The following GPT2 variants were observed in gnomAD, a reference collection of about 807,000 sequenced individuals.
GPT2 encodes glutamic--pyruvic transaminase 2.
In GPT2, 30 loss-of-function variants were observed where a neutral mutation model predicts 56.9. The observed-to-expected ratio is 0.53, with a 90% CI of 0.39 to 0.72. The LOEUF (loss-of-function observed/expected upper bound fraction) is 0.72. Ranked by LOEUF, GPT2 falls within the 30% of genes least tolerant of loss-of-function variation. GPT2 has a pLI of 0.00. For synonymous variants in GPT2, 271 were observed against 283.1 expected (o/e 0.96, Z 0.43); for missense variants, 542 against 703.4 (o/e 0.77, Z 2.60).
At position 46,918,793 on chromosome 16, in the gene GPT2, C is replaced by A. The variant is rs776616272; in HGVS notation, c.1037+36C>A. 23 of 1,608,854 alleles carry A rather than the reference C, an allele frequency of 1.4e-5. No homozygotes were observed. In the Admixed American group the frequency reaches 3.8e-4, roughly 27 times the overall value. Reference sequence around the variant, plus strand: ...CTCCCTTCCCTCTGCCACTGCTGGGCCTGCCAGATCCTCACGCTGCCGGCT... The same window carrying A: ...CTCCCTTCCCTCTGCCACTGCTGGGACTGCCAGATCCTCACGCTGCCGGCT... On this transcript the variant is annotated intron_variant, in intron 8 of 11. Transcript: ENST00000340124.
intron 2 of GPT2, among the ~76,000 whole-genome samples, chr16:46,889,443 G>A (rs1334435156): frequency 6.6e-6 from 1 of 151,548 alleles, no homozygotes; most frequent in Non-Finnish European, 1.5e-5. Flanking sequence ...TTGTAGAGAT[G>A]GGATCTCGCT....
At position 46,922,374 on chromosome 16, in the gene GPT2, C is replaced by T. The variant is rs1369904639; in HGVS notation, c.1170C>T (p.Asn390=). ...AGGCCGCCATGGACATTGTCGTGAA[C>T]CCCCCGGTGGCAGGAGAGGAGTCCT... ...SGQAAMDIVV[N]PPVAGEESFE... Residue 390 remains asparagine, a synonymous_variant, in exon 9 of 12, where the codon AAC becomes AAT. Transcript: ENST00000340124. 1.2e-6 allele frequency: 2 copies of T among 1,612,692 alleles called. No homozygotes were observed. The highest frequency in any genetic ancestry group is 1.7e-6 in the Non-Finnish European group (2 of 1,179,602).
At chr16:46,899,194 A>G (rs552544699) in intron 3 of GPT2, among the ~76,000 whole-genome samples, 1 of 151,408 alleles carries the variant, frequency 6.6e-6, no homozygotes, top group East Asian at 2.0e-4. Context: ...CACCACACCC[A>G]GCTAATTTTT....
chr16:46,926,108 G>A (rs2143571116), intron 10 of GPT2, among the ~76,000 whole-genome samples: 1 of 147,198 alleles, frequency 6.8e-6, no homozygotes, highest in East Asian at 2.0e-4. Flanking sequence ...TCCATCCTGG[G>A]CGACAGAGTG....
At chr16:46,923,969 G>A in intron 9 of GPT2, 2 of 323,554 alleles carry the variant, frequency 6.2e-6, no homozygotes, top group Non-Finnish European at 6.1e-6. Flanking sequence ...CATGACACAG[G>A]CTGCTGGGCT....
chr16:46,925,012 T>A (rs1447454090), intron 10 of GPT2, among the ~76,000 whole-genome samples: 1 of 152,028 alleles, frequency 6.6e-6, no homozygotes, highest in Non-Finnish European at 1.5e-5. Flanking sequence ...TCCTCCTGCC[T>A]CTGCCTCCCT....
chr16:46,889,507 AG>A (rs1392470210), intron 2 of GPT2, among the ~76,000 whole-genome samples: 1 of 151,970 alleles, frequency 6.6e-6, no homozygotes, highest in African/African-American at 2.4e-5. Context: ...CTCCCACCTC[AG>A]CCTCCCAAAG....
chr16:46,911,349 T>C (rs753928949), intron 6 of GPT2, among the ~76,000 whole-genome samples: 4 of 152,086 alleles, frequency 2.6e-5, no homozygotes, highest in East Asian at 1.9e-4. Context: ...CCAAAATGCA[T>C]TGGAGTTGGT....
intron 5 of GPT2, among the ~76,000 whole-genome samples, chr16:46,907,936 A>G (rs1960967327): frequency 6.6e-6 from 1 of 151,410 alleles, no homozygotes; most frequent in Non-Finnish European, 1.5e-5. Flanking sequence ...AGTGGAGTCT[A>G]CAGTCCTGGG....
intron 10 of GPT2, 22 bp from the exon 11 acceptor site, chr16:46,926,903 T>C: frequency 6.8e-7 from 1 of 1,467,724 alleles, no homozygotes; most frequent in Non-Finnish European, 9.2e-7. Flanking sequence ...GGAATGATCA[T>C]GAGCTCTGTC....
At chr16:46,918,110 G>A (rs921280705) in intron 7 of GPT2, among the ~76,000 whole-genome samples, 14 of 152,318 alleles carry the variant, frequency 9.2e-5, no homozygotes, top group African/African-American at 2.6e-4. Context: ...AGAACCAAAC[G>A]GGTATAAATG....
rs769979890 is a variant in GPT2, at chr16:46,922,411, A to G, written c.1207A>G (p.Ser403Gly). The G allele has an allele frequency of 1.2e-6, 2 of 1,609,032 alleles. No individual in the cohort carries two copies. Among genetic ancestry groups the G allele is most frequent in the Admixed American group, 3.4e-5 (2 of 59,154 alleles). The part of the protein sequence containing the change: ...VAGEESFEQF[S>G]REKESVLGNL... ...AGGAGAGGAGTCCTTTGAGCAATTC[A>G]GCCGAGTGAGTCCACTGTGATGCGT... Residue 403 changes from serine (S) to glycine (G), a missense_variant, in exon 9 of 12, where the codon AGC becomes GGC. Ser to Gly is a moderately conservative substitution (Grantham distance 56). Transcript: ENST00000340124.
At chr16:46,894,160 G>A (rs936442845) in intron 2 of GPT2, among the ~76,000 whole-genome samples, 1 of 152,230 alleles carries the variant, frequency 6.6e-6, no homozygotes, top group African/African-American at 2.4e-5. Context: ...TGGAGGTGCT[G>A]TGTTCCCAGG....
At chr16:46,902,564 G>A (rs1241685402) in intron 4 of GPT2, among the ~76,000 whole-genome samples, 1 of 152,132 alleles carries the variant, frequency 6.6e-6, no homozygotes, top group Non-Finnish European at 1.5e-5. Flanking sequence ...ATGCTCCATG[G>A]CCACCCTGAC....
rs573559634 is a variant in GPT2, at chr16:46,884,784, C to T, written c.69C>T (p.Ser23=). Residue 23 remains serine, a synonymous_variant, in exon 2 of 12, where the codon AGC becomes AGT. Transcript: ENST00000340124. Reference sequence around the variant, plus strand: ...GGACCCCCAGCTCCTGGGGCCGCAGCCAGAGCAGCGCGGCCGCCGAGGCCT... The same window carrying T: ...GGACCCCCAGCTCCTGGGGCCGCAGTCAGAGCAGCGCGGCCGCCGAGGCCT... ...GPRTPSSWGR[S]QSSAAAEASA... is the part of the protein sequence containing the mutation. The T allele has an allele frequency of 2.3e-5, 35 of 1,519,770 alleles. No individual in the cohort carries two copies. The East Asian group carries it at 7.2e-4, about 31-fold the overall frequency. The allele number at this position is 1,519,770 out of a possible 1,614,324, so 94.1% of individuals were successfully genotyped here. A position where few individuals can be genotyped will look rare whatever the true frequency, so the allele number is the denominator to read the frequency against.
intron 2 of GPT2, among the ~76,000 whole-genome samples, chr16:46,889,957 A>G (rs1960555683): frequency 6.6e-6 from 1 of 152,038 alleles, no homozygotes; most frequent in Non-Finnish European, 1.5e-5. Flanking sequence ...AACTCGCACT[A>G]TCCTGTTTGG....
At chr16:46,924,002 C>G in intron 9 of GPT2, 1 of 353,680 alleles carries the variant, frequency 2.8e-6, no homozygotes, top group East Asian at 7.3e-5. Flanking sequence ...CTAGAACTCC[C>G]TGGTGTCTGT....
At chr16:46,893,505 G>GTTCCC (rs903567805) in intron 2 of GPT2, among the ~76,000 whole-genome samples, 2 of 152,228 alleles carry the variant, frequency 1.3e-5, no homozygotes, top group African/African-American at 4.8e-5. Context: ...GGCTGACGGT[G>GTTCCC]TTCCCTTCCG....
rs1025984045 is a variant in GPT2, at chr16:46,929,881, T to C, written c.*884T>C. On this transcript the variant is annotated 3_prime_UTR_variant, in exon 12 of 12. Coordinates refer to ENST00000340124, the MANE Select transcript of GPT2 (RefSeq NM_133443.4). ...GCCTGTTCTCCCCTGACCGAGCCTG[T>C]GAGCACATCGCCCCCTGCTGGCGAC... 6.6e-6 allele frequency: 1 copy of C among 152,478 alleles called. No homozygotes were observed. The highest frequency in any genetic ancestry group is 1.5e-5 in the Non-Finnish European group (1 of 68,232). 9.4% of individuals were successfully genotyped at this position (152,478 alleles called of 1,614,324 possible). A position where few individuals can be genotyped will look rare whatever the true frequency, so the allele number is the denominator to read the frequency against.
Sources: allele counts gnomAD v4.1 joint callset (sites outside exome capture counted in the v4.1 genomes callset), GRCh38; gene constraint gnomAD v4.1.1; transcripts MANE v1.5; gene names NCBI Gene and HGNC (gene_info 2026-07-23, HGNC 2026-07-21).